The following FGF13 variants were observed in gnomAD, a reference collection of about 807,000 sequenced individuals.
The protein encoded by FGF13 is fibroblast growth factor homologous factor 2.
FGF13 carries 2 observed loss-of-function variants against 19.5 expected under a neutral mutation model. The ratio of observed to expected loss-of-function variants is 0.10; its 90% CI spans 0.04 to 0.32. The LOEUF is 0.32. Ranked by LOEUF, FGF13 falls within the 10% of genes least tolerant of loss-of-function variation. The pLI, the probability that FGF13 is intolerant of heterozygous loss-of-function variation, is 1.00. For missense variants in FGF13, 113 were observed against 192.7 expected (o/e 0.59, Z 2.45); for synonymous variants, 72 against 76.9 (o/e 0.94, Z 0.33).
At chrX:138,675,245 G>C (rs1451402480) in intron 3 of FGF13, among the ~76,000 whole-genome samples, 1 of 112,140 alleles carries the variant, frequency 8.9e-6, no homozygotes, top group Non-Finnish European at 1.9e-5. Flanking sequence ...AAGCAAGCTA[G>C]ACTTTGTACG....
upstream of FGF13, among the ~76,000 whole-genome samples, chrX:138,713,653 C>T (rs1377178556): frequency 9.0e-6 from 1 of 111,436 alleles, no homozygotes; most frequent in Non-Finnish European, 1.9e-5. Flanking sequence ...TTTCCCACAC[C>T]GTTTTTCCTC....
At chrX:139,197,597 AG>A (rs2084382285) in intron 1 of FGF13, among the ~76,000 whole-genome samples, 1 of 111,873 alleles carries the variant, frequency 8.9e-6, no homozygotes, top group Non-Finnish European at 1.9e-5. Context: ...CAAGACAAGA[AG>A]GGTTATCAAC....
At position 138,623,194 on chromosome X, in the gene FGF13, AG is replaced by A. The variant is rs1226100745; in HGVS notation, c.*9655del. ...GAATGATCCTTTAAATGTGATGTTA[AG>A]TTCTTTTAGCTAGTATTTTGTTGTG... On this transcript the variant is annotated 3_prime_UTR_variant, in exon 5 of 5. Transcript: ENST00000315930. 1 of 111,203 alleles carries A rather than the reference AG, an allele frequency of 9.0e-6. No homozygotes were observed. The highest frequency in any genetic ancestry group is 1.9e-5 in the Non-Finnish European group (1 of 53,083). The allele number at this position is 111,203 out of a possible 1,213,427, so 9.2% of individuals were successfully genotyped here.
intron 1 of FGF13, among the ~76,000 whole-genome samples, chrX:138,934,033 A>G (rs1048938119): frequency 8.9e-6 from 1 of 112,475 alleles, no homozygotes; most frequent in African/African-American, 3.2e-5. Flanking sequence ...ATCAACAGAT[A>G]CAATTTTACT....
At chrX:138,913,638 GAGGAAGGA>G (rs747877973) in intron 1 of FGF13, among the ~76,000 whole-genome samples, 12,625 of 61,639 alleles carry the variant, frequency 0.2, 1,512 homozygotes, top group Non-Finnish European at 0.24. Context: ...AGGAGGGATG[GAGGAAGGA>G]AGGAAGGAAG....
At chrX:138,763,093 G>A (rs2090478722) in intron 3 of FGF13, among the ~76,000 whole-genome samples, 1 of 110,120 alleles carries the variant, frequency 9.1e-6, no homozygotes, top group Admixed American at 9.7e-5. Flanking sequence ...GCAAACTTGG[G>A]AAAAAATGTT....
intron 1 of FGF13, among the ~76,000 whole-genome samples, chrX:139,162,456 A>G (rs1216046858): frequency 8.9e-6 from 1 of 112,383 alleles, no homozygotes; most frequent in Non-Finnish European, 1.9e-5. Context: ...AAACCTAGGC[A>G]ATACCGTTCA....
intron 1 of FGF13, among the ~76,000 whole-genome samples, chrX:139,067,634 G>C (rs1369653478): frequency 8.9e-6 from 1 of 111,753 alleles, no homozygotes; most frequent in Admixed American, 9.5e-5. Flanking sequence ...AAATAAAAGA[G>C]GACACAAACA....
upstream of FGF13, chrX:138,739,420 G>C: frequency 2.2e-6 from 1 of 461,765 alleles, no homozygotes; most frequent in Non-Finnish European, 3.5e-6. Flanking sequence ...TCAGTATAGA[G>C]AGATCATTAA....
chrX:138,664,119 G>T (rs778265859), intron 3 of FGF13, among the ~76,000 whole-genome samples: 20 of 111,781 alleles, frequency 1.8e-4, no homozygotes, highest in African/African-American at 5.8e-4. Context: ...AAAGAGTATG[G>T]CTGTTCCAGT....
chrX:138,867,936 T>C (rs1437012511), intron 1 of FGF13, among the ~76,000 whole-genome samples: 3 of 111,298 alleles, frequency 2.7e-5, no homozygotes, highest in Non-Finnish European at 5.6e-5. Flanking sequence ...CAACCACTTA[T>C]AACTGCTGGT....
intron 3 of FGF13, among the ~76,000 whole-genome samples, chrX:138,821,212 A>G (rs1382908405): frequency 9.0e-6 from 1 of 111,389 alleles, no homozygotes; most frequent in Non-Finnish European, 1.9e-5. Flanking sequence ...AAAAAAGGAG[A>G]TACATTCTAG....
intron 1 of FGF13, among the ~76,000 whole-genome samples, chrX:139,156,235 C>T (rs1436397563): frequency 1.8e-5 from 2 of 112,178 alleles, no homozygotes; most frequent in Middle Eastern, 4.6e-3. Context: ...CTTTTGCCCA[C>T]AAGTTTTTTA....
chrX:139,017,125 G>A (rs1056280009), intron 1 of FGF13, among the ~76,000 whole-genome samples: 26 of 105,586 alleles, frequency 2.5e-4, no homozygotes, highest in Non-Finnish European at 4.7e-4. Context: ...ATGCATATAC[G>A]CATACATATA....
chrX:139,079,038 T>G (rs1260540327), intron 1 of FGF13, among the ~76,000 whole-genome samples: 1 of 112,313 alleles, frequency 8.9e-6, no homozygotes, highest in Non-Finnish European at 1.9e-5. Flanking sequence ...CATAGCTAAT[T>G]TGCTGCTTAG....
At chrX:139,054,837 C>T (rs1010127886) in intron 1 of FGF13, among the ~76,000 whole-genome samples, 5 of 105,952 alleles carry the variant, frequency 4.7e-5, no homozygotes, top group Non-Finnish European at 5.8e-5. Flanking sequence ...AGGTCTTTAA[C>T]CTCCTTGGTT....
chrX:138,917,107 G>A (rs1264998458), intron 1 of FGF13, among the ~76,000 whole-genome samples: 1 of 111,447 alleles, frequency 9.0e-6, no homozygotes, highest in Non-Finnish European at 1.9e-5. Context: ...GAAAAAGAGA[G>A]CAGCATTATA....
intron 1 of FGF13, among the ~76,000 whole-genome samples, chrX:138,890,480 C>A (rs761557873): frequency 1.1e-3 from 117 of 108,579 alleles, no homozygotes; most frequent in Non-Finnish European, 7.9e-4. Context: ...ATACCAATGA[C>A]AAAAAAAAAT....
chrX:139,136,341 C>T (rs1456885594), intron 1 of FGF13, among the ~76,000 whole-genome samples: 1 of 103,120 alleles, frequency 9.7e-6, no homozygotes, highest in Non-Finnish European at 2.0e-5. Context: ...AGTTATTTAT[C>T]CCTGCCCCCC....
Sources: allele counts gnomAD v4.1 joint callset (sites outside exome capture counted in the v4.1 genomes callset), GRCh38; gene constraint gnomAD v4.1.1; transcripts MANE v1.5; gene names NCBI Gene and HGNC (gene_info 2026-07-23, HGNC 2026-07-21).